KIFAP3: variants seen among roughly 807,000 people sequenced by gnomAD.
KIFAP3 encodes the protein kinesin-associated protein 3.
Under a neutral mutation model 106.5 loss-of-function variants are expected in KIFAP3, and 68 were observed. That is an observed-to-expected ratio of 0.64 (90% CI 0.53 to 0.78). The LOEUF is 0.78. KIFAP3 is among the 30% of genes least tolerant of loss of function. The pLI is 0.00. For missense variants in KIFAP3, 780 were observed against 941.8 expected (o/e 0.83, Z 2.25); for synonymous variants, 320 against 311.5 (o/e 1.03, Z -0.29).
chr1:170,036,077 T>C (rs1669677055), intron 5 of KIFAP3, among the ~76,000 whole-genome samples: 1 of 152,052 alleles, frequency 6.6e-6, no homozygotes, highest in South Asian at 2.1e-4. Flanking sequence ...CACACTGAAT[T>C]TATGCTAGTA....
intron 16 of KIFAP3, among the ~76,000 whole-genome samples, chr1:169,975,411 A>C (rs960208121): frequency 6.6e-6 from 1 of 152,152 alleles, no homozygotes; most frequent in African/African-American, 2.4e-5. Flanking sequence ...AAAAGGAATA[A>C]AATATTGCCT....
Position 169,972,518 on chromosome 1 carries a change from T to C in KIFAP3, c.1978A>G (p.Ile660Val), listed in dbSNP as rs1397572851. 2 of 1,381,790 alleles carry C rather than the reference T, an allele frequency of 1.4e-6. No homozygotes were observed. The highest frequency in any genetic ancestry group is 1.2e-5 in the South Asian group (1 of 83,964). The allele number at this position is 1,381,790 out of a possible 1,614,324, so 85.6% of individuals were successfully genotyped here. The stretch of plus-strand genomic sequence containing the variant: ...TAGAAAAAATAATTACTTACCGCTA[T>C]AATATCTAATGTATTATCACAGACC... ...RKVCDNTLDIIAEYDEEWAKK... is the reference protein window; with the variant it reads ...RKVCDNTLDIVAEYDEEWAKK... The change falls in exon 17 of 20, where the codon ATA (isoleucine) becomes GTA (valine). Residue 660 changes from isoleucine (I) to valine (V), a missense_variant. Ile to Val is a conservative substitution (Grantham distance 29, BLOSUM62 3). Coordinates refer to ENST00000361580, the MANE Select transcript of KIFAP3 (RefSeq NM_014970.4).
In KIFAP3 at chr1:170,013,099, A is replaced by G. The variant is rs544006212; in HGVS notation, c.1183+3363T>C. 1.2e-3 allele frequency among the ~76,000 whole-genome samples: 187 copies of G among 152,226 alleles called. 5 individuals are homozygous for G. The South Asian group carries it at 0.027, about 22-fold the overall frequency. ...CCATGTGAGGACATGGTGAGAAGAC[A>G]GCTGTCTATGAACCGGGAAGCAGGC... On this transcript the variant is annotated intron_variant, in intron 10 of 19. Transcript: ENST00000361580.
At chr1:170,080,062 A>G (rs1190032845) in intron 1 of KIFAP3, among the ~76,000 whole-genome samples, 2 of 152,130 alleles carry the variant, frequency 1.3e-5, no homozygotes, top group Non-Finnish European at 2.9e-5. Flanking sequence ...ACTAGACCTA[A>G]TAATTAGTAA....
At chr1:169,928,699 CAAAA>C (rs10690029) in intron 19 of KIFAP3, among the ~76,000 whole-genome samples, 22 of 37,780 alleles carry the variant, frequency 5.8e-4, no homozygotes, top group Non-Finnish European at 6.6e-4. Context: ...ACCCTGTCTC[CAAAA>C]AAAAAAAAAA....
At chr1:170,074,878 A>C (rs1359600205), upstream of KIFAP3, 2 of 475,744 alleles carry the variant, frequency 4.2e-6, no homozygotes, top group Non-Finnish European at 6.0e-6. Flanking sequence ...ATGGGAATAG[A>C]AAGGGCTGTC....
At chr1:170,004,646 T>G (rs1430894637) in intron 10 of KIFAP3, among the ~76,000 whole-genome samples, 2,537 of 150,768 alleles carry the variant, frequency 0.017, 66 homozygotes, top group African/African-American at 0.059. Context: ...GGAAAACTGG[T>G]TAGCCATATG....
chr1:170,078,737 T>A (rs905183568), upstream of KIFAP3, among the ~76,000 whole-genome samples: 3 of 152,184 alleles, frequency 2.0e-5, no homozygotes, highest in African/African-American at 4.8e-5. Context: ...AAGCAAGTAA[T>A]TAAGATAATG....
At chr1:169,922,190 CT>C (rs1385142402) in intron 19 of KIFAP3, among the ~76,000 whole-genome samples, 1 of 152,056 alleles carries the variant, frequency 6.6e-6, no homozygotes, top group Non-Finnish European at 1.5e-5. Context: ...TTTATAATGT[CT>C]TTTCATATGA....
chr1:169,989,583 G>A (rs373904263), intron 11 of KIFAP3, among the ~76,000 whole-genome samples: 165 of 152,104 alleles, frequency 1.1e-3, no homozygotes, highest in African/African-American at 3.7e-3. Context: ...TTGAAAACTT[G>A]TTTGACAAAG....
upstream of KIFAP3, among the ~76,000 whole-genome samples, chr1:170,078,089 G>A (rs80075382): frequency 0.063 from 9,618 of 152,100 alleles, 387 homozygotes; most frequent in Non-Finnish European, 0.095. Flanking sequence ...TTAGTTGTAT[G>A]GTAAATATAT....
At chr1:169,928,089 A>G (rs1031776613) in intron 19 of KIFAP3, among the ~76,000 whole-genome samples, 1 of 123,842 alleles carries the variant, frequency 8.1e-6, no homozygotes, top group Non-Finnish European at 1.6e-5. Context: ...ATTCACAACA[A>G]TGTTATCTTT....
At chr1:170,035,650 C>A in intron 5 of KIFAP3, 97 bp from the exon 6 acceptor site, 1 of 671,816 alleles carries the variant, frequency 1.5e-6, no homozygotes, top group Non-Finnish European at 2.4e-6. Context: ...AATAATAAAG[C>A]TAAGATAGAA....
chr1:169,947,367 C>A (rs1664492896), intron 19 of KIFAP3, among the ~76,000 whole-genome samples: 1 of 151,884 alleles, frequency 6.6e-6, no homozygotes, highest in Non-Finnish European at 1.5e-5. Context: ...TCCAACCTTA[C>A]TGTTGCTATA....
intron 7 of KIFAP3, among the ~76,000 whole-genome samples, chr1:170,032,671 T>C (rs557694429): frequency 6.6e-6 from 1 of 151,532 alleles, no homozygotes; most frequent in African/African-American, 2.4e-5. Context: ...TGTATCAAAA[T>C]ACAAAGAAAT....
At position 169,921,727 on chromosome 1, in the gene KIFAP3, T is replaced by A; in HGVS notation, c.2328A>T (p.Thr776=). ...QPVGILGRPA[T]AYGFRPDEPY... ...GTTCATCAGGGCGGAATCCATATGCTGTGGCAGGGCGTCCAAGAATGCCAA... is the reference window on the plus strand; with the variant it reads ...GTTCATCAGGGCGGAATCCATATGCAGTGGCAGGGCGTCCAAGAATGCCAA... Residue 776 remains threonine (T), a synonymous_variant, in exon 20 of 20, where the codon ACA becomes ACT. Transcript: ENST00000361580. 2 of 1,613,964 alleles carry A rather than the reference T, an allele frequency of 1.2e-6. No individual in the cohort carries two copies. Among genetic ancestry groups the A allele is most frequent in the South Asian group, 1.1e-5 (1 of 91,068 alleles).
chr1:170,056,739 GTGAGTATTAGGGTTA>G lies in KIFAP3; in HGVS notation c.33-1318_33-1304del, dbSNP rs1388315615. Among the ~76,000 whole-genome samples the G allele has an allele frequency of 7.9e-5, 12 of 151,912 alleles. No individual in the cohort carries two copies. The East Asian group carries it at 2.3e-3, about 29-fold the overall frequency. On this transcript the variant is annotated intron_variant, in intron 1 of 19. Coordinates refer to ENST00000361580, the MANE Select transcript of KIFAP3 (RefSeq NM_014970.4). ...CATATGAAAAGGAGATGCATCTGGAGTGAGTATTAGGGTTATGATTAACAGTCAAGTATAGTGATA... is the reference window on the plus strand; with the variant it reads ...CATATGAAAAGGAGATGCATCTGGAGTGATTAACAGTCAAGTATAGTGATA...
At chr1:170,017,155 G>A (rs1166004228) in intron 9 of KIFAP3, among the ~76,000 whole-genome samples, 1 of 151,160 alleles carries the variant, frequency 6.6e-6, no homozygotes, top group African/African-American at 2.4e-5. Flanking sequence ...TACTTGGGAG[G>A]CTAAGGCAGA....
At chr1:169,985,181 A>C (rs1666756254) in intron 11 of KIFAP3, among the ~76,000 whole-genome samples, 1 of 151,916 alleles carries the variant, frequency 6.6e-6, no homozygotes. Flanking sequence ...CGTGCTAAGA[A>C]GGATAATGGG....
Sources: allele counts gnomAD v4.1 joint callset (sites outside exome capture counted in the v4.1 genomes callset), GRCh38; gene constraint gnomAD v4.1.1; transcripts MANE v1.5; gene names NCBI Gene and HGNC (gene_info 2026-07-23, HGNC 2026-07-21).